SDHA: variants seen among roughly 807,000 people sequenced by gnomAD.
The protein encoded by SDHA is succinate dehydrogenase [ubiquinone] flavoprotein subunit, mitochondrial.
In SDHA, 48 loss-of-function variants were observed where a neutral mutation model predicts 78.4. That is an observed-to-expected ratio of 0.61 (90% CI 0.49 to 0.78). The LOEUF is 0.78. SDHA is among the 30% of genes least tolerant of loss of function. SDHA has a pLI of 0.00. For missense variants in SDHA, 680 were observed against 892.7 expected, an observed-to-expected ratio of 0.76 and a Z score of 3.04; for synonymous variants, 326 against 353.9, an observed-to-expected ratio of 0.92 and a Z score of 0.88.
intron 13 of SDHA, among the ~76,000 whole-genome samples, chr5:253,416 T>C (rs1308490638): frequency 6.6e-6 from 1 of 152,188 alleles, no homozygotes; most frequent in Non-Finnish European, 1.5e-5. Context: ...TTTGCCAGAA[T>C]ACAGAATAAT....
At chr5:240,834 G>A (rs557737254) in intron 11 of SDHA, among the ~76,000 whole-genome samples, 1 of 152,292 alleles carries the variant, frequency 6.6e-6, no homozygotes, top group East Asian at 1.9e-4. Context: ...CATCCGTGTG[G>A]CTGCAGAAGA....
At chr5:233,080 T>A (rs1293960637) in intron 7 of SDHA, among the ~76,000 whole-genome samples, 1 of 152,238 alleles carries the variant, frequency 6.6e-6, no homozygotes, top group African/African-American at 2.4e-5. Context: ...TTGTCACTGT[T>A]TGGATAATTT....
intron 1 of SDHA, among the ~76,000 whole-genome samples, chr5:222,353 T>TTC (rs1734767084): frequency 4.0e-5 from 6 of 150,126 alleles, no homozygotes; most frequent in South Asian, 2.1e-4. Context: ...TTCTTTTCTT[T>TTC]TTTTTTTTTT....
intron 10 of SDHA, 142 bp from the exon 11 acceptor site, chr5:240,216 C>G: frequency 1.5e-6 from 1 of 666,856 alleles, no homozygotes. Flanking sequence ...GTAGGGTGGG[C>G]TGGCAGTGTG....
rs1579406553 is a variant in SDHA at position 235,241 on chromosome 5, A to G, written c.1162A>G (p.Met388Val). ...TRLPGISETA[M>V]IFAGVDVTKE... ...CCTGCCTGGCATTTCAGAGACAGCC[A>G]TGATCTTCGCTGGCGTGGACGTCAC... Residue 388 changes from methionine to valine, a missense_variant, in exon 9 of 15, where the codon ATG (methionine) becomes GTG (valine). Met to Val is a conservative substitution (Grantham distance 21). Transcript: ENST00000264932. 1 of 1,614,032 alleles carries G rather than the reference A, an allele frequency of 6.2e-7. No individual in the cohort carries two copies. The highest frequency in any genetic ancestry group is 1.1e-5 in the South Asian group (1 of 91,084).
intron 11 of SDHA, chr5:250,610 G>A (rs543310605): frequency 8.7e-6 from 3 of 345,608 alleles, no homozygotes; most frequent in East Asian, 7.7e-5. Flanking sequence ...CTTGTGTCAC[G>A]TTCACCACCA....
chr5:243,452 T>G (rs532576122), intron 11 of SDHA, among the ~76,000 whole-genome samples: 1 of 152,158 alleles, frequency 6.6e-6, no homozygotes. Flanking sequence ...CAAATTAATA[T>G]AACTGCAGAC....
intron 11 of SDHA, among the ~76,000 whole-genome samples, chr5:246,251 C>G (rs554094206): frequency 1.1e-4 from 17 of 151,862 alleles, no homozygotes; most frequent in Non-Finnish European, 2.1e-4. Context: ...TGCAGCTGAT[C>G]GAAAAGCAAG....
chr5:233,624 C>G lies in SDHA; in HGVS notation c.1043C>G (p.Thr348Ser), dbSNP rs779264373. ...ASRDVVSRSM[T>S]LEIREGRGCG... ...AGAGATGTGGTGTCTCGGTCCATGA[C>G]TCTGGAGATCCGAGAAGGAAGGTGC... Residue 348 changes from threonine (T) to serine (S), a missense_variant, in exon 8 of 15, where the codon ACT becomes AGT. Transcript: ENST00000264932. 3.1e-6 allele frequency: 5 copies of G among 1,614,070 alleles called. 1 individual carries two copies. The South Asian group carries it at 5.5e-5, about 18-fold the overall frequency.
the SDHA span, among the ~76,000 whole-genome samples, chr5:267,988 T>C: frequency 6.6e-6 from 1 of 152,172 alleles, no homozygotes; most frequent in Non-Finnish European, 1.5e-5. Flanking sequence ...TGGAGAGGAC[T>C]TGTGAAGACA....
downstream of SDHA, among the ~76,000 whole-genome samples, chr5:259,247 T>C (rs368797804): frequency 1.9e-4 from 7 of 37,802 alleles, no homozygotes; most frequent in Admixed American, 2.5e-4. Flanking sequence ...CCGCCTCCCG[T>C]CACAGCATTA....
chr5:228,857 T>C (rs59138007), intron 6 of SDHA, among the ~76,000 whole-genome samples: 14,576 of 151,904 alleles, frequency 0.096, 2,271 homozygotes, highest in African/African-American at 0.33. Context: ...ACCATATGTG[T>C]AATAATATCT....
downstream of SDHA, among the ~76,000 whole-genome samples, chr5:258,203 C>T (rs1341998051): frequency 6.3e-4 from 80 of 127,392 alleles, no homozygotes; most frequent in Non-Finnish European, 9.0e-4. Flanking sequence ...GAGCTCCACC[C>T]CCTGCCAGAG....
At chr5:238,436 C>CAT (rs1388043098) in intron 10 of SDHA, among the ~76,000 whole-genome samples, 1 of 148,654 alleles carries the variant, frequency 6.7e-6, no homozygotes, top group African/African-American at 2.6e-5. Flanking sequence ...TATATATACA[C>CAT]ATATATATGT....
chr5:220,226 T>C (rs1734637319), intron 1 of SDHA: 1 of 409,858 alleles, frequency 2.4e-6, no homozygotes, highest in Non-Finnish European at 4.9e-6. Flanking sequence ...TTTTGGTTTC[T>C]TTTTATGGCC....
At chr5:230,406 C>T (rs1282945122) in intron 6 of SDHA, among the ~76,000 whole-genome samples, 2 of 152,106 alleles carry the variant, frequency 1.3e-5, no homozygotes, top group African/African-American at 4.8e-5. Flanking sequence ...GTGGGAGGAT[C>T]ACTTGAGGTC....
Position 255,764 on chromosome 5 carries a change from T to C in SDHA, c.1909-570T>C, listed in dbSNP as rs1190121017. Among the ~76,000 whole-genome samples the C allele has an allele frequency of 3.9e-5, 6 of 152,142 alleles. No individual in the cohort carries two copies. The East Asian group carries it at 1.2e-3, about 29-fold the overall frequency. ...GATTTTTCAAGAAATACATACTCAT[T>C]TTAGAAAGTACAAAGAGATTGAAAT... is the stretch of plus-strand genomic sequence containing the variant. On this transcript the variant is annotated intron_variant, in intron 14 of 14. Transcript: ENST00000264932.
At chr5:226,515 C>T (rs1156467965) in intron 5 of SDHA, among the ~76,000 whole-genome samples, 1 of 152,124 alleles carries the variant, frequency 6.6e-6, no homozygotes, top group Non-Finnish European at 1.5e-5. Flanking sequence ...GCTTGTAATC[C>T]CAGTTACTCA....
chr5:246,754 G>A (rs1397526166), intron 11 of SDHA, among the ~76,000 whole-genome samples: 4 of 152,222 alleles, frequency 2.6e-5, no homozygotes, highest in Non-Finnish European at 5.9e-5. Context: ...GCAAGATCTT[G>A]TAGAATGGCT....
Sources: allele counts gnomAD v4.1 joint callset (sites outside exome capture counted in the v4.1 genomes callset), GRCh38; gene constraint gnomAD v4.1.1; transcripts MANE v1.5; gene names NCBI Gene and HGNC (gene_info 2026-07-23, HGNC 2026-07-21).